Variants in GRID2 observed in about 807,000 individuals in gnomAD.
GRID2 encodes glutamate receptor ionotropic, delta-2.
A neutral mutation model predicts 114.8 loss-of-function variants in GRID2; 33 were observed. The observed-to-expected ratio is 0.29, with a 90% CI of 0.22 to 0.38. The LOEUF is 0.38. Among genes scored for constraint, GRID2 ranks in the 10% least tolerant of loss-of-function variants. The pLI, the probability that GRID2 is intolerant of heterozygous loss-of-function variation, is 1.00. For missense variants in GRID2, 1,184 were observed against 1,257.7 expected (o/e 0.94, Z 0.89); for synonymous variants, 505 against 449.9 (o/e 1.12, Z -1.55).
intron 1 of GRID2, among the ~76,000 whole-genome samples, chr4:92,530,898 C>T (rs773043965): frequency 6.6e-6 from 1 of 151,878 alleles, no homozygotes; most frequent in East Asian, 1.9e-4. Flanking sequence ...CAGAGTGAGA[C>T]TCCATCTTGG....
intron 2 of GRID2, among the ~76,000 whole-genome samples, chr4:92,887,093 T>C (rs1362241830): frequency 6.6e-6 from 1 of 152,238 alleles, no homozygotes; most frequent in African/African-American, 2.4e-5. Context: ...CCCACAGTAC[T>C]GTTAATATGG....
intron 2 of GRID2, among the ~76,000 whole-genome samples, chr4:92,728,400 T>C (rs1736163987): frequency 6.6e-6 from 1 of 151,982 alleles, no homozygotes; most frequent in Admixed American, 6.6e-5. Context: ...CATCTGAAGG[T>C]TTCACAGGGC....
chr4:93,231,563 T>C (rs1030992078), intron 7 of GRID2, among the ~76,000 whole-genome samples: 18 of 152,202 alleles, frequency 1.2e-4, no homozygotes, highest in African/African-American at 4.3e-4. Context: ...GATACTTGCT[T>C]CACAGCCAAG....
intron 8 of GRID2, among the ~76,000 whole-genome samples, chr4:93,250,217 C>T (rs1561043268): frequency 6.6e-6 from 1 of 152,050 alleles, no homozygotes; most frequent in Non-Finnish European, 1.5e-5. Context: ...AAGCTGGAAA[C>T]CATCATTCTA....
chr4:93,723,657 A>G (rs1729584591), intron 14 of GRID2, among the ~76,000 whole-genome samples: 2 of 152,242 alleles, frequency 1.3e-5, no homozygotes, highest in African/African-American at 4.8e-5. Flanking sequence ...CAGGGGATAT[A>G]AAGATACCAT....
intron 14 of GRID2, among the ~76,000 whole-genome samples, chr4:93,647,331 G>A (rs1439418912): frequency 6.6e-6 from 1 of 152,126 alleles, no homozygotes; most frequent in Non-Finnish European, 1.5e-5. Context: ...ATCTCACATA[G>A]CGACATATTT....
intron 2 of GRID2, among the ~76,000 whole-genome samples, chr4:92,663,680 T>G (rs925044276): frequency 2.6e-5 from 4 of 151,164 alleles, no homozygotes; most frequent in African/African-American, 4.8e-5. Context: ...TATTTTTAAG[T>G]GTACAGTTCA....
chr4:92,712,313 A>T (rs1735296078), intron 2 of GRID2, among the ~76,000 whole-genome samples: 1 of 152,060 alleles, frequency 6.6e-6, no homozygotes, highest in South Asian at 2.1e-4. Context: ...TTTAATATTA[A>T]GGTATTTATA....
At chr4:92,919,997 G>C (rs1224630302) in intron 2 of GRID2, among the ~76,000 whole-genome samples, 1 of 152,020 alleles carries the variant, frequency 6.6e-6, no homozygotes, top group Non-Finnish European at 1.5e-5. Flanking sequence ...TCTCTTTGTA[G>C]GTCCAAGGAC....
At chr4:92,716,681 G>A (rs1001703385) in intron 2 of GRID2, among the ~76,000 whole-genome samples, 2 of 152,124 alleles carry the variant, frequency 1.3e-5, no homozygotes, top group African/African-American at 4.8e-5. Context: ...TGACATTACA[G>A]CATCACATAG....
At chr4:93,342,757 T>G (rs1759795143) in intron 8 of GRID2, among the ~76,000 whole-genome samples, 1 of 152,192 alleles carries the variant, frequency 6.6e-6, no homozygotes, top group African/African-American at 2.4e-5. Context: ...AAAAACAAAT[T>G]GCAAATTATT....
At chr4:93,646,499 T>C (rs1309076821) in intron 14 of GRID2, among the ~76,000 whole-genome samples, 2 of 152,124 alleles carry the variant, frequency 1.3e-5, no homozygotes, top group Non-Finnish European at 2.9e-5. Context: ...AGATATACAA[T>C]AGAACCTTGA....
intron 14 of GRID2, among the ~76,000 whole-genome samples, chr4:93,678,083 G>C (rs572546047): frequency 6.6e-6 from 1 of 152,314 alleles, no homozygotes; most frequent in South Asian, 2.1e-4. Context: ...AGTGCTTAAA[G>C]GAGCTGATGG....
chr4:93,389,128 G>T (rs1764606110), intron 8 of GRID2, among the ~76,000 whole-genome samples: 1 of 152,122 alleles, frequency 6.6e-6, no homozygotes, highest in Non-Finnish European at 1.5e-5. Context: ...ACAGAAAAAT[G>T]ATTCAGATGG....
chr4:92,750,839 G>C (rs918393741), intron 2 of GRID2, among the ~76,000 whole-genome samples: 1 of 152,060 alleles, frequency 6.6e-6, no homozygotes, highest in African/African-American at 2.4e-5. Flanking sequence ...ATATATACTT[G>C]AAAATATATA....
In GRID2 at chr4:92,487,360, A is replaced by ATT. The variant is rs1452341117; in HGVS notation, c.89-102766_89-102765dup. On this transcript the variant is annotated intron_variant, in intron 1 of 15. Transcript: ENST00000282020. ...TTATGTTTACCATCTAGTGCTCCTT[A>ATT]TTTTTTGGGTAGATTCCAATTTCTA... Among the ~76,000 whole-genome samples, 3 of 151,816 alleles carry ATT rather than the reference A, an allele frequency of 2.0e-5. No homozygotes were observed. In the South Asian group the frequency reaches 6.2e-4, roughly 31 times the overall value.
chr4:93,485,572 CAA>C (rs1488933224), intron 11 of GRID2, among the ~76,000 whole-genome samples: 2 of 151,576 alleles, frequency 1.3e-5, no homozygotes, highest in Non-Finnish European at 3.0e-5. Flanking sequence ...AGTTAAGAGA[CAA>C]GTTTCATTAT....
intron 2 of GRID2, among the ~76,000 whole-genome samples, chr4:92,906,276 A>G (rs1747944517): frequency 7.3e-6 from 1 of 136,798 alleles, no homozygotes; most frequent in Non-Finnish European, 1.6e-5. Context: ...ATTAAAGACA[A>G]TATTGCCAAT....
At chr4:92,919,288 A>C (rs951169121) in intron 2 of GRID2, among the ~76,000 whole-genome samples, 3 of 151,746 alleles carry the variant, frequency 2.0e-5, no homozygotes, top group Non-Finnish European at 2.9e-5. Context: ...TTTGTTTATC[A>C]TTTCAAAAAA....
Sources: gnomAD v4.1 joint callset for allele counts (sites outside exome capture counted in the v4.1 genomes callset) on GRCh38, gnomAD v4.1.1 for gene constraint, MANE v1.5 for transcripts, NCBI Gene and HGNC (gene_info 2026-07-23, HGNC 2026-07-21) for gene names.